Variants in TENM2 observed in about 807,000 individuals in gnomAD.
TENM2 encodes teneurin transmembrane protein 2, also known as teneurin-2.
In TENM2, 52 loss-of-function variants were observed where a neutral mutation model predicts 245.2. That is an observed-to-expected ratio of 0.21 (90% CI 0.17 to 0.27). TENM2 has a LOEUF of 0.27. TENM2 is among the 10% of genes least tolerant of loss of function. The pLI is 1.00. For synonymous variants in TENM2, 1,363 were observed against 1,438.9 expected (o/e 0.95, Z 1.19); for missense variants, 3,046 against 3,666.8 (o/e 0.83, Z 4.37).
chr5:167,008,058 A>G, the TENM2 span, among the ~76,000 whole-genome samples: 13 of 152,062 alleles, frequency 8.5e-5, no homozygotes, highest in Non-Finnish European at 1.3e-4. Flanking sequence ...CCTCTTCTCT[A>G]CCTGCTTTTC....
chr5:167,553,432 G>A (rs1773081131), intron 2 of TENM2, among the ~76,000 whole-genome samples: 1 of 152,214 alleles, frequency 6.6e-6, no homozygotes, highest in South Asian at 2.1e-4. Flanking sequence ...AGGTGTCAAA[G>A]AGCAGGACAG....
At chr5:168,050,862 A>G (rs1747632213) in intron 6 of TENM2, among the ~76,000 whole-genome samples, 2 of 152,144 alleles carry the variant, frequency 1.3e-5, no homozygotes, top group Non-Finnish European at 2.9e-5. Context: ...ACTCTCCTTC[A>G]ATTAAACCTT....
chr5:167,736,920 C>A (rs1760842740), intron 2 of TENM2, among the ~76,000 whole-genome samples: 1 of 152,186 alleles, frequency 6.6e-6, no homozygotes. Context: ...AGCCAGTGAA[C>A]TAGCCTGGTA....
At chr5:168,096,760 T>C (rs1262650646) in intron 8 of TENM2, among the ~76,000 whole-genome samples, 1 of 152,234 alleles carries the variant, frequency 6.6e-6, no homozygotes, top group African/African-American at 2.4e-5. Context: ...CCAAGGGTGA[T>C]ATAACATCAC....
intron 1 of TENM2, among the ~76,000 whole-genome samples, chr5:167,323,102 T>C (rs1046677782): frequency 1.3e-5 from 2 of 152,238 alleles, no homozygotes; most frequent in African/African-American, 4.8e-5. Flanking sequence ...CATCATAAAA[T>C]GTCTTTTTCT....
At chr5:167,095,667 A>AT in the TENM2 span, among the ~76,000 whole-genome samples, 9 of 152,276 alleles carry the variant, frequency 5.9e-5, no homozygotes, top group Admixed American at 6.5e-5. Flanking sequence ...AATAAAATCC[A>AT]TAGATCTTAA....
chr5:167,678,367 G>T (rs1756475769), intron 2 of TENM2, among the ~76,000 whole-genome samples: 1 of 152,044 alleles, frequency 6.6e-6, no homozygotes, highest in African/African-American at 2.4e-5. Context: ...CATTAAAAAG[G>T]ATTCTTATAT....
the TENM2 span, among the ~76,000 whole-genome samples, chr5:167,141,058 G>A: frequency 6.6e-6 from 1 of 152,156 alleles, no homozygotes; most frequent in Admixed American, 6.5e-5. Flanking sequence ...TTTCTATGGA[G>A]TGCAGTTTGC....
chr5:167,881,809 A>C (rs1357808594), intron 3 of TENM2, among the ~76,000 whole-genome samples: 1 of 152,124 alleles, frequency 6.6e-6, no homozygotes, highest in African/African-American at 2.4e-5. Flanking sequence ...TCTTGCCCCA[A>C]ATGCAGAGCC....
At chr5:168,172,374 T>G (rs1473679193) in intron 13 of TENM2, among the ~76,000 whole-genome samples, 2 of 152,258 alleles carry the variant, frequency 1.3e-5, no homozygotes, top group Non-Finnish European at 2.9e-5. Context: ...GAGCCCTTAC[T>G]AAGGGCCAGG....
chr5:167,796,614 G>A (rs991684563), intron 2 of TENM2, among the ~76,000 whole-genome samples: 1 of 139,904 alleles, frequency 7.1e-6, no homozygotes, highest in Non-Finnish European at 1.5e-5. Context: ...TTTGGGGTGC[G>A]TGTGTGTGTG....
chr5:167,787,021 G>T (rs1764624572), intron 2 of TENM2, among the ~76,000 whole-genome samples: 1 of 152,180 alleles, frequency 6.6e-6, no homozygotes, highest in Non-Finnish European at 1.5e-5. Context: ...CCAGACACTT[G>T]ACAACATGCT....
chr5:168,238,303 A>AGAAAAG (rs879420208), intron 25 of TENM2, among the ~76,000 whole-genome samples: 3 of 145,342 alleles, frequency 2.1e-5, no homozygotes, highest in Non-Finnish European at 3.0e-5. Flanking sequence ...AGAAAAGAAA[A>AGAAAAG]AATCCCAGAA....
At chr5:167,224,530 C>G in the TENM2 span, among the ~76,000 whole-genome samples, 1 of 152,046 alleles carries the variant, frequency 6.6e-6, no homozygotes. Flanking sequence ...ATTTTCTACT[C>G]TGTTCCGTTG....
At chr5:167,583,760 T>C (rs1429799428) in intron 2 of TENM2, among the ~76,000 whole-genome samples, 4 of 152,182 alleles carry the variant, frequency 2.6e-5, no homozygotes. Context: ...GCATCTCCCC[T>C]GCCTCTGAGC....
At chr5:167,880,963 G>A (rs192704124) in intron 3 of TENM2, among the ~76,000 whole-genome samples, 12 of 152,208 alleles carry the variant, frequency 7.9e-5, no homozygotes, top group Non-Finnish European at 1.6e-4. Flanking sequence ...TTACAGATTC[G>A]TCCTGACAGC....
rs1015407776 is a variant in TENM2, at chr5:167,408,162, T to C, written c.502+32689T>C. The stretch of plus-strand genomic sequence containing the variant: ...AACCAAACATATCAGAGACAAACTA[T>C]AGAAACACAATAGAGAAAATAAATC... On this transcript the variant is annotated intron_variant, in intron 2 of 28. Coordinates refer to ENST00000518659, the Ensembl canonical transcript of TENM2. 4.6e-5 allele frequency among the ~76,000 whole-genome samples: 7 copies of C among 152,186 alleles called. No individual in the cohort carries two copies. The East Asian group carries it at 5.8e-4, about 13-fold the overall frequency.
chr5:167,080,524 C>T, the TENM2 span, among the ~76,000 whole-genome samples: 1 of 152,044 alleles, frequency 6.6e-6, no homozygotes, highest in Non-Finnish European at 1.5e-5. Flanking sequence ...GTGTGGTTGC[C>T]ATTTGTGCAC....
chr5:167,643,962 A>T (rs2150259679), intron 2 of TENM2, among the ~76,000 whole-genome samples: 1 of 152,324 alleles, frequency 6.6e-6, no homozygotes, highest in East Asian at 1.9e-4. Flanking sequence ...TCAGTATCGC[A>T]TAGTTTTGCT....
Sources: gnomAD v4.1 joint callset for allele counts (sites outside exome capture counted in the v4.1 genomes callset) on GRCh38, gnomAD v4.1.1 for gene constraint, MANE v1.5 for transcripts, NCBI Gene and HGNC (gene_info 2026-07-23, HGNC 2026-07-21) for gene names.